The following IDE variants were observed in gnomAD, a reference collection of about 807,000 sequenced individuals.
IDE encodes the protein insulin degrading enzyme.
A neutral mutation model predicts 133.2 loss-of-function variants in IDE; 58 were observed. The observed-to-expected ratio is 0.44, with a 90% CI of 0.35 to 0.54. The LOEUF (loss-of-function observed/expected upper bound fraction) is 0.54, where lower values mean the gene tolerates loss of function less well. IDE is among the 20% of genes least tolerant of loss of function. IDE has a pLI of 0.00. For synonymous variants in IDE, 396 were observed against 421.3 expected, an observed-to-expected ratio of 0.94 and a Z score of 0.73; for missense variants, 981 against 1,234.0, an observed-to-expected ratio of 0.79 and a Z score of 3.07.
intron 4 of IDE, among the ~76,000 whole-genome samples, chr10:92,522,343 T>C (rs1175657468): frequency 6.6e-6 from 1 of 152,194 alleles, no homozygotes; most frequent in East Asian, 1.9e-4. Context: ...CTTGGTCTTT[T>C]CTTCATGTCA....
At chr10:92,515,586 A>G (rs1589454840) in intron 4 of IDE, among the ~76,000 whole-genome samples, 1 of 85,278 alleles carries the variant, frequency 1.2e-5, no homozygotes. Flanking sequence ...TTTGAGACGG[A>G]ATTTCGCTTT....
rs1230319079 is a variant in IDE, at chr10:92,501,037, T to A, written c.1430+3757A>T. Among the ~76,000 whole-genome samples the A allele has an allele frequency of 2.1e-4, 30 of 139,902 alleles. 1 individual carries two copies. The highest frequency in any genetic ancestry group is 7.0e-4 in the African/African-American group (26 of 37,182). 91.8% of individuals were successfully genotyped at this position (139,902 alleles called of 152,430 possible). On this transcript the variant is annotated intron_variant, in intron 11 of 24. Transcript: ENST00000265986. ...GCCTGGGCGACAGAGTGAGATCCTGTCTCAGAAAAAAAAAAAAGAAAAAGA... is the reference window on the plus strand; with the variant it reads ...GCCTGGGCGACAGAGTGAGATCCTGACTCAGAAAAAAAAAAAAGAAAAAGA...
chr10:92,464,680 A>AT (rs1845578183), intron 20 of IDE, among the ~76,000 whole-genome samples: 1 of 151,906 alleles, frequency 6.6e-6, no homozygotes, highest in Admixed American at 6.6e-5. Flanking sequence ...TCACAGTTTG[A>AT]TTTTCTTTGA....
intron 15 of IDE, chr10:92,478,785 A>G (rs1846429794): frequency 3.3e-6 from 4 of 1,223,366 alleles, no homozygotes; most frequent in Non-Finnish European, 3.1e-6. Flanking sequence ...GCATAAATGT[A>G]GCGACTAACA....
Position 92,573,988 on chromosome 10 carries a change from G to C in IDE, c.32C>G (p.Pro11Arg). Residue 11 changes from proline (P) to arginine (R), a missense_variant, in exon 1 of 25, where the codon CCC becomes CGC. Pro to Arg is a moderately radical substitution (Grantham distance 103). This residue lies in a region of IDE where 321 missense variants were observed against 339.3 expected (regional missense o/e 0.95). Coordinates refer to ENST00000265986, the MANE Select transcript of IDE (RefSeq NM_004969.4). ...TGAGCGGAAGGTGCTGGGCAGTGCG[G>C]GGTGCAGAAGCCACGCTAGCCGGTA... MRYRLAWLLH[P>R]ALPSTFRSVL... is the part of the protein sequence containing the mutation. 3 of 1,510,200 alleles carry C rather than the reference G, an allele frequency of 2.0e-6. No individual in the cohort carries two copies. The highest frequency in any genetic ancestry group is 2.9e-5 in the African/African-American group (2 of 69,356). 93.5% of individuals were successfully genotyped at this position (1,510,200 alleles called of 1,614,324 possible). A position where few individuals can be genotyped will look rare whatever the true frequency, so the allele number is the denominator to read the frequency against.
intron 16 of IDE, 120 bp from the exon 17 acceptor site, chr10:92,475,081 C>T: frequency 2.8e-6 from 2 of 715,912 alleles, no homozygotes; most frequent in Non-Finnish European, 4.5e-6. Context: ...TCCCTTCTTT[C>T]CCCTTTCTGA....
chr10:92,459,249 G>A lies in IDE; in HGVS notation c.2823+1942C>T, dbSNP rs867170776. Among the ~76,000 whole-genome samples the A allele has an allele frequency of 5.3e-5, 8 of 152,270 alleles. No individual in the cohort carries two copies. In the South Asian group the frequency reaches 1.5e-3, roughly 28 times the overall value. ...ACCATTTTCCTCAAAGAAACTATCA[G>A]CACCTTTGGGTCAAAGACTGTTACT... On this transcript the variant is annotated intron_variant, in intron 22 of 24. Coordinates refer to ENST00000265986, the MANE Select transcript of IDE (RefSeq NM_004969.4).
chr10:92,525,707 A>C (rs552946295), intron 4 of IDE, among the ~76,000 whole-genome samples: 63 of 151,350 alleles, frequency 4.2e-4, no homozygotes, highest in African/African-American at 1.5e-3. Flanking sequence ...AAAAGTCAGC[A>C]TATCAAAATC....
intron 1 of IDE, among the ~76,000 whole-genome samples, chr10:92,560,399 T>C (rs922697008): frequency 6.6e-6 from 1 of 152,202 alleles, no homozygotes; most frequent in East Asian, 1.9e-4. Context: ...CTTGTTACAT[T>C]ACACTCATCG....
At chr10:92,488,988 G>A (rs935167247) in intron 12 of IDE, among the ~76,000 whole-genome samples, 2 of 145,858 alleles carry the variant, frequency 1.4e-5, no homozygotes, top group African/African-American at 5.1e-5. Flanking sequence ...CAACCAGCCT[G>A]GACAACAGAG....
At chr10:92,555,713 T>A (rs1324746898) in intron 1 of IDE, among the ~76,000 whole-genome samples, 2 of 152,150 alleles carry the variant, frequency 1.3e-5, no homozygotes, top group African/African-American at 4.8e-5. Flanking sequence ...ACTCTATGAA[T>A]AAGCTACTGC....
chr10:92,475,226 C>T (rs1026766959), intron 16 of IDE, among the ~76,000 whole-genome samples: 2 of 152,158 alleles, frequency 1.3e-5, no homozygotes, highest in Non-Finnish European at 2.9e-5. Flanking sequence ...TATCTTTAGT[C>T]CCTCAGAAAG....
intron 12 of IDE, among the ~76,000 whole-genome samples, 154 bp from the exon 13 acceptor site, chr10:92,487,472 G>A (rs998983046): frequency 2.6e-5 from 4 of 152,070 alleles, no homozygotes; most frequent in Admixed American, 1.3e-4. Flanking sequence ...CAAATCTATC[G>A]ATGGGTTTTC....
intron 4 of IDE, among the ~76,000 whole-genome samples, chr10:92,527,338 C>T (rs1353509061): frequency 6.6e-6 from 1 of 152,150 alleles, no homozygotes; most frequent in African/African-American, 2.4e-5. Flanking sequence ...AATTCTACTA[C>T]TGTAACAACT....
chr10:92,560,642 G>C (rs1843234752), intron 1 of IDE, among the ~76,000 whole-genome samples: 1 of 152,002 alleles, frequency 6.6e-6, no homozygotes, highest in African/African-American at 2.4e-5. Context: ...AATTAGCCAG[G>C]CATGGTGGTG....
intron 19 of IDE, among the ~76,000 whole-genome samples, chr10:92,468,625 C>T (rs1028525345): frequency 6.6e-6 from 1 of 152,018 alleles, no homozygotes; most frequent in South Asian, 2.1e-4. Flanking sequence ...TTCCTAATTC[C>T]CCTTCATTCA....
intron 1 of IDE, among the ~76,000 whole-genome samples, chr10:92,548,508 A>C (rs931599168): frequency 6.6e-6 from 1 of 152,112 alleles, no homozygotes; most frequent in Non-Finnish European, 1.5e-5. Context: ...AACTTCACCA[A>C]GGCATAGTTC....
At chr10:92,523,485 C>A (rs866928655) in intron 4 of IDE, among the ~76,000 whole-genome samples, 1 of 150,902 alleles carries the variant, frequency 6.6e-6, no homozygotes, top group Non-Finnish European at 1.5e-5. Context: ...AGGCAAATGA[C>A]CTGAGGTCAG....
Position 92,502,642 on chromosome 10 carries a change from C to T in IDE, c.1430+2152G>A, listed in dbSNP as rs1266710594. Among the ~76,000 whole-genome samples the T allele has an allele frequency of 2.0e-5, 3 of 152,256 alleles. No individual in the cohort carries two copies. In the East Asian group the frequency reaches 5.8e-4, roughly 29 times the overall value. ...TTATGTGAACTATATCTCGCCATCC[C>T]CCACTAAACTACGTCAGGCATGAAT... On this transcript the variant is annotated intron_variant, in intron 11 of 24. Transcript: ENST00000265986.
Sources: allele counts gnomAD v4.1 joint callset (sites outside exome capture counted in the v4.1 genomes callset), GRCh38; gene constraint gnomAD v4.1.1; regional missense constraint gnomAD v4.1.1; transcripts MANE v1.5; gene names NCBI Gene and HGNC (gene_info 2026-07-23, HGNC 2026-07-21).